FHOD3: variants seen among roughly 807,000 people sequenced by gnomAD.
FHOD3 encodes formin homology 2 domain containing 3.
A neutral mutation model predicts 173.0 loss-of-function variants in FHOD3; 90 were observed. The ratio of observed to expected loss-of-function variants is 0.52; its 90% confidence interval spans 0.44 to 0.62. The LOEUF (loss-of-function observed/expected upper bound fraction) is 0.62, where lower values mean the gene tolerates loss of function less well. FHOD3 is among the 20% of genes least tolerant of loss of function. The pLI is 0.00. For synonymous variants in FHOD3, 828 were observed against 823.0 expected (o/e 1.01, Z -0.10); for missense variants, 1,945 against 2,034.7 (o/e 0.96, Z 0.85).
At chr18:36,614,840 ATTTTTT>A (rs751719654) in intron 9 of FHOD3, among the ~76,000 whole-genome samples, 12,177 of 85,774 alleles carry the variant, frequency 0.14, 433 homozygotes, top group Non-Finnish European at 0.17. Context: ...TTTTTAATTG[ATTTTTT>A]TTTTTTTTTT....
At chr18:36,461,278 G>A (rs1334641486) in intron 3 of FHOD3, among the ~76,000 whole-genome samples, 1 of 152,066 alleles carries the variant, frequency 6.6e-6, no homozygotes, top group Admixed American at 6.5e-5. Context: ...TTCCTCACTT[G>A]TTCCTGAAGG....
chr18:36,607,674 A>G (rs1285477534), intron 8 of FHOD3, among the ~76,000 whole-genome samples: 18 of 152,186 alleles, frequency 1.2e-4, no homozygotes, highest in Non-Finnish European at 5.9e-5. Flanking sequence ...TATCACTTCT[A>G]TCCTCTTGCA....
intron 3 of FHOD3, among the ~76,000 whole-genome samples, chr18:36,419,498 A>G (rs765547580): frequency 6.6e-6 from 1 of 152,130 alleles, no homozygotes; most frequent in Non-Finnish European, 1.5e-5. Flanking sequence ...TGCTTCACAC[A>G]TGTTTTCATG....
intron 17 of FHOD3, among the ~76,000 whole-genome samples, chr18:36,699,975 T>G (rs2039492169): frequency 6.6e-6 from 1 of 152,104 alleles, no homozygotes; most frequent in Admixed American, 6.6e-5. Flanking sequence ...ATCTCCAGGC[T>G]AAACAGGATA....
intron 5 of FHOD3, among the ~76,000 whole-genome samples, chr18:36,528,930 G>A (rs1039005088): frequency 3.9e-5 from 6 of 152,302 alleles, no homozygotes; most frequent in African/African-American, 1.4e-4. Flanking sequence ...CACTGCCCTG[G>A]GGGTGGGTTG....
intron 14 of FHOD3, among the ~76,000 whole-genome samples, chr18:36,661,589 G>C (rs2036806531): frequency 6.6e-6 from 1 of 152,046 alleles, no homozygotes; most frequent in Admixed American, 6.6e-5. Context: ...TGAAGTCCTG[G>C]GATAATCAGG....
intron 10 of FHOD3, among the ~76,000 whole-genome samples, chr18:36,628,516 A>T (rs1474991070): frequency 6.6e-6 from 1 of 152,228 alleles, no homozygotes; most frequent in African/African-American, 2.4e-5. Flanking sequence ...CTTTAATTCT[A>T]ATAAAGACTA....
intron 1 of FHOD3, 74 bp downstream of exon 1, chr18:36,298,074 G>A: frequency 7.6e-7 from 1 of 1,312,438 alleles, no homozygotes; most frequent in Non-Finnish European, 9.9e-7. Context: ...GTGGGTCCCG[G>A]GGCTTCGTGG....
At chr18:36,676,053 G>A (rs1600196056) in intron 14 of FHOD3, among the ~76,000 whole-genome samples, 1 of 152,094 alleles carries the variant, frequency 6.6e-6, no homozygotes, top group South Asian at 2.1e-4. Context: ...ATATATTCAG[G>A]ACTTACAGAA....
In FHOD3 at chr18:36,297,925, G is replaced by C. The variant is rs1194369527; in HGVS notation, c.90G>C (p.Leu30=). The change falls in exon 1 of 29, where the codon CTG becomes CTC. Residue 30 remains leucine, a synonymous_variant. Coordinates refer to ENST00000590592, the MANE Select transcript of FHOD3 (RefSeq NM_001281740.3). The part of the protein sequence containing the change: ...TNFPEPSRPP[L]FTFREDLALG... ...TCCCCGAGCCCAGCCGGCCGCCGCT[G>C]TTCACGTTCCGCGAGGACCTCGCGC... 6.4e-7 allele frequency: 1 copy of C among 1,564,244 alleles called. No homozygotes were observed. Among genetic ancestry groups the C allele is most frequent in the Non-Finnish European group, 8.7e-7 (1 of 1,155,936 alleles).
intron 6 of FHOD3, among the ~76,000 whole-genome samples, chr18:36,580,410 G>A (rs1027413100): frequency 6.6e-6 from 1 of 152,226 alleles, no homozygotes; most frequent in East Asian, 1.9e-4. Context: ...CAAGAGAGTG[G>A]AGCCAAGAGT....
chr18:36,330,897 G>A (rs1011294092), intron 1 of FHOD3, among the ~76,000 whole-genome samples: 26 of 152,110 alleles, frequency 1.7e-4, no homozygotes, highest in Admixed American at 2.0e-4. Flanking sequence ...TCAGTGGAAG[G>A]CACATGGACC....
At chr18:36,398,354 T>C (rs1387016091) in intron 3 of FHOD3, among the ~76,000 whole-genome samples, 1 of 152,248 alleles carries the variant, frequency 6.6e-6, no homozygotes, top group Non-Finnish European at 1.5e-5. Context: ...TTCTCCTTCC[T>C]GCCTTTCTAG....
At chr18:36,579,708 A>G (rs995750101) in intron 6 of FHOD3, among the ~76,000 whole-genome samples, 1 of 152,216 alleles carries the variant, frequency 6.6e-6, no homozygotes, top group African/African-American at 2.4e-5. Flanking sequence ...AACAGGCACC[A>G]TCTTGGATGC....
intron 6 of FHOD3, among the ~76,000 whole-genome samples, chr18:36,582,695 A>G (rs2058896738): frequency 6.6e-6 from 1 of 152,214 alleles, no homozygotes; most frequent in South Asian, 2.1e-4. Flanking sequence ...GCTCCTCATC[A>G]TACTGGTTAC....
At chr18:36,465,290 T>C (rs1459946505) in intron 3 of FHOD3, among the ~76,000 whole-genome samples, 1 of 152,116 alleles carries the variant, frequency 6.6e-6, no homozygotes, top group Admixed American at 6.5e-5. Flanking sequence ...ATCATGCAAT[T>C]GCACTCCAGC....
At chr18:36,658,294 G>A in intron 14 of FHOD3, 106 bp downstream of exon 14, 1 of 724,470 alleles carries the variant, frequency 1.4e-6, no homozygotes, top group South Asian at 1.9e-5. Flanking sequence ...ATAACATGAA[G>A]TATTTTCCTT....
At position 36,297,788 on chromosome 18, in the gene FHOD3, G is replaced by T; in HGVS notation, c.-48G>T. The T allele has an allele frequency of 6.9e-7, 1 of 1,449,100 alleles. No homozygotes were observed. The highest frequency in any genetic ancestry group is 9.1e-7 in the Non-Finnish European group (1 of 1,094,284). 89.8% of individuals were successfully genotyped at this position (1,449,100 alleles called of 1,614,324 possible). A position where few individuals can be genotyped will look rare whatever the true frequency, so the allele number is the denominator to read the frequency against. ...CGCAGCTACCCGGGCGTCCCGGCCC[G>T]CGGCCCCGCTAACCCCGGGGCCCGC... On this transcript the variant is annotated 5_prime_UTR_variant, in exon 1 of 29. Transcript: ENST00000590592.
chr18:36,718,047 C>A lies in FHOD3; in HGVS notation c.2749C>A (p.Gln917Lys). Reference protein sequence around the residue: ...TRISTLQANSQTQDESVRRVD... With the variant: ...TRISTLQANSKTQDESVRRVD... Reference sequence around the variant, plus strand: ...GATATCCACCCTGCAGGCCAACTCTCAGACCCAGGATGAGAGTGTCAGGAG... The same window carrying A: ...GATATCCACCCTGCAGGCCAACTCTAAGACCCAGGATGAGAGTGTCAGGAG... Residue 917 changes from glutamine (Q) to lysine (K), a missense_variant, in exon 19 of 29, where the codon CAG becomes AAG. Around this residue, in one of 5 missense-constraint regions of FHOD3, gnomAD observed 1,099 missense variants for 1,051.2 expected, o/e 1.05. Coordinates refer to ENST00000590592, the MANE Select transcript of FHOD3 (RefSeq NM_001281740.3). 1.2e-6 allele frequency: 2 copies of A among 1,602,750 alleles called. No homozygotes were observed. Among genetic ancestry groups the A allele is most frequent in the Non-Finnish European group, 1.7e-6 (2 of 1,174,104 alleles).
Sources: gnomAD v4.1 joint callset for allele counts (sites outside exome capture counted in the v4.1 genomes callset) on GRCh38, gnomAD v4.1.1 for gene constraint, gnomAD v4.1.1 regional missense constraint, MANE v1.5 for transcripts, NCBI Gene and HGNC (gene_info 2026-07-23, HGNC 2026-07-21) for gene names.